TSNARE1: variants seen among roughly 807,000 people sequenced by gnomAD.
TSNARE1 encodes t-SNARE domain-containing protein 1.
TSNARE1 carries 49 observed loss-of-function variants against 62.0 expected under a neutral mutation model. The ratio of observed to expected loss-of-function variants is 0.79; its 90% CI spans 0.63 to 1.00. The LOEUF (loss-of-function observed/expected upper bound fraction) is 1.00. Ranked by LOEUF, TSNARE1 falls within the 50% of genes least tolerant of loss-of-function variation. TSNARE1 has a pLI of 0.00. For missense variants in TSNARE1, 755 were observed against 700.1 expected (o/e 1.08, Z -0.88); for synonymous variants, 328 against 294.4 (o/e 1.11, Z -1.17).
chr8:142,311,290 GTTTTTTTTTTT>G (rs58755110), intron 9 of TSNARE1, among the ~76,000 whole-genome samples: 1 of 57,336 alleles, frequency 1.7e-5, no homozygotes, highest in African/African-American at 9.3e-5. Flanking sequence ...AGCCTCTCTA[GTTTTTTTTTTT>G]TTTTTTTTTT....
chr8:142,377,077 G>A (rs1270348767), intron 1 of TSNARE1, among the ~76,000 whole-genome samples: 2 of 152,208 alleles, frequency 1.3e-5, no homozygotes, highest in Non-Finnish European at 2.9e-5. Flanking sequence ...GGGGGACATG[G>A]CAGCACCCTC....
chr8:142,276,580 G>C (rs1276694469), intron 11 of TSNARE1: 1 of 985,314 alleles, frequency 1.0e-6, no homozygotes, highest in African/African-American at 1.7e-5. Flanking sequence ...GGCTAACACA[G>C]GTGGTGCTGG....
chr8:142,345,831 G>A lies in TSNARE1; in HGVS notation c.150C>T (p.Ser50=). The A allele has an allele frequency of 6.2e-7, 1 of 1,613,942 alleles. No homozygotes were observed. Among genetic ancestry groups the A allele is most frequent in the African/African-American group, 1.3e-5 (1 of 75,040 alleles). The stretch of plus-strand genomic sequence containing the variant: ...TCCCCACACAGCGGTTCTGCAGCTT[G>A]CTCTCTGGCGACGGGCAGGGGAAAT... ...IRHFPCPSPE[S]KLQNRCVGKD... is the part of the protein sequence containing the mutation. The change falls in exon 3 of 14, where the codon AGC becomes AGT. Residue 50 remains serine (S), a synonymous_variant. Transcript: ENST00000524325.
At chr8:142,301,672 G>A (rs1057275516) in intron 9 of TSNARE1, among the ~76,000 whole-genome samples, 2 of 152,232 alleles carry the variant, frequency 1.3e-5, no homozygotes, top group Non-Finnish European at 1.5e-5. Context: ...GTGTGTGTGT[G>A]AGGGAAAAAG....
chr8:142,215,735 G>C (rs1288210659), intron 13 of TSNARE1, among the ~76,000 whole-genome samples: 1 of 152,182 alleles, frequency 6.6e-6, no homozygotes, highest in Non-Finnish European at 1.5e-5. Context: ...ACACCTGTGA[G>C]AGGCCAGCTG....
chr8:142,362,911 G>A (rs1429074063), intron 1 of TSNARE1, among the ~76,000 whole-genome samples: 2 of 152,200 alleles, frequency 1.3e-5, no homozygotes, highest in African/African-American at 4.8e-5. Context: ...GTGAAGACCA[G>A]TGAGATGAAA....
intron 13 of TSNARE1, among the ~76,000 whole-genome samples, chr8:142,222,740 T>TCACTCATC (rs1816437101): frequency 1.6e-5 from 2 of 122,464 alleles, no homozygotes; most frequent in African/African-American, 7.6e-5. Flanking sequence ...ATCCACTCAC[T>TCACTCATC]CACTCACTCA....
At chr8:142,212,708 T>A (rs955213271) in intron 13 of TSNARE1, among the ~76,000 whole-genome samples, 3 of 151,364 alleles carry the variant, frequency 2.0e-5, no homozygotes, top group African/African-American at 7.3e-5. Flanking sequence ...CGGCCCTCCC[T>A]CTCCTGGGCA....
intron 13 of TSNARE1, among the ~76,000 whole-genome samples, chr8:142,221,988 T>TCAC (rs1458912716): frequency 4.6e-5 from 2 of 43,570 alleles, no homozygotes; most frequent in African/African-American, 1.8e-4. Context: ...CACTCACTCA[T>TCAC]TCACTCACTC....
At chr8:142,333,121 T>A (rs571816878) in intron 4 of TSNARE1, among the ~76,000 whole-genome samples, 60 of 152,304 alleles carry the variant, frequency 3.9e-4, no homozygotes, top group African/African-American at 1.4e-3. Context: ...GGGACCCTCC[T>A]GGGTGAGGGC....
intron 12 of TSNARE1, among the ~76,000 whole-genome samples, chr8:142,260,225 C>G (rs948777996): frequency 2.6e-5 from 4 of 152,136 alleles, no homozygotes; most frequent in African/African-American, 9.7e-5. Context: ...CCTAATTTTA[C>G]AGGGAAGAAA....
At chr8:142,252,952 C>T (rs1818245703) in intron 12 of TSNARE1, among the ~76,000 whole-genome samples, 1 of 152,254 alleles carries the variant, frequency 6.6e-6, no homozygotes, top group Non-Finnish European at 1.5e-5. Context: ...TCTGCGTCCA[C>T]TCCGGCCCAG....
At chr8:142,399,768 C>T (rs1467198809) in intron 1 of TSNARE1, among the ~76,000 whole-genome samples, 1 of 152,120 alleles carries the variant, frequency 6.6e-6, no homozygotes, top group East Asian at 1.9e-4. Flanking sequence ...CTACTATGGA[C>T]GATGCACAAA....
chr8:142,257,144 G>A (rs1386565643), intron 12 of TSNARE1, among the ~76,000 whole-genome samples: 2 of 152,182 alleles, frequency 1.3e-5, no homozygotes, highest in East Asian at 1.9e-4. Context: ...CTCTCTCCGA[G>A]GGAGGCAAGT....
chr8:142,266,276 T>G (rs1288531163), intron 12 of TSNARE1, among the ~76,000 whole-genome samples: 1 of 152,230 alleles, frequency 6.6e-6, no homozygotes, highest in Non-Finnish European at 1.5e-5. Context: ...TTTTAAAACC[T>G]TAATGAGGAT....
At chr8:142,302,906 T>C (rs1826009591) in intron 9 of TSNARE1, among the ~76,000 whole-genome samples, 2 of 151,790 alleles carry the variant, frequency 1.3e-5, no homozygotes, top group South Asian at 4.2e-4. Context: ...CAGCTGGCCA[T>C]GCAGGCCAGG....
chr8:142,329,011 A>C (rs1430878898), intron 6 of TSNARE1, among the ~76,000 whole-genome samples: 2 of 152,218 alleles, frequency 1.3e-5, no homozygotes, highest in Non-Finnish European at 2.9e-5. Context: ...TCCCTGACGA[A>C]ATGATGGCGG....
chr8:142,396,666 G>A (rs1301276999), intron 1 of TSNARE1, among the ~76,000 whole-genome samples: 1 of 152,224 alleles, frequency 6.6e-6, no homozygotes, highest in Non-Finnish European at 1.5e-5. Flanking sequence ...GGTGAGCAAT[G>A]CCTCTGATTT....
At chr8:142,224,038 G>C (rs1586774272) in intron 13 of TSNARE1, among the ~76,000 whole-genome samples, 1 of 150,088 alleles carries the variant, frequency 6.7e-6, no homozygotes, top group Middle Eastern at 3.2e-3. Flanking sequence ...TGCAGTCCTG[G>C]GGGATGCACC....
Sources: gnomAD v4.1 joint callset for allele counts (sites outside exome capture counted in the v4.1 genomes callset) on GRCh38, gnomAD v4.1.1 for gene constraint, MANE v1.5 for transcripts, NCBI Gene and HGNC (gene_info 2026-07-23, HGNC 2026-07-21) for gene names.